Variants in SLIT3 observed in about 807,000 individuals in gnomAD.
The protein encoded by SLIT3 is slit homolog 3 protein.
Under a neutral mutation model 184.0 loss-of-function variants are expected in SLIT3, and 68 were observed. That is an observed-to-expected ratio of 0.37 (90% confidence interval 0.30 to 0.45). The LOEUF is 0.45. Among genes scored for constraint, SLIT3 ranks in the 20% least tolerant of loss-of-function variants. The pLI is 1.00. For missense variants in SLIT3, 1,707 were observed against 2,026.0 expected (o/e 0.84, Z 3.02); for synonymous variants, 831 against 828.6 (o/e 1.00, Z -0.05).
At chr5:168,842,469 G>GTTTTTTGTTTTTTTTT (rs1554147713) in intron 6 of SLIT3, among the ~76,000 whole-genome samples, 2 of 88,100 alleles carry the variant, frequency 2.3e-5, no homozygotes, top group African/African-American at 9.6e-5. Context: ...CCGTTTTTTC[G>GTTTTTTGTTTTTTTTT]TTTTTTTTTT....
At chr5:169,246,491 C>A (rs907776878) in intron 2 of SLIT3, among the ~76,000 whole-genome samples, 1 of 152,178 alleles carries the variant, frequency 6.6e-6, no homozygotes, top group East Asian at 1.9e-4. Context: ...AGTGGGTTAA[C>A]TAGCCAACCT....
intron 4 of SLIT3, among the ~76,000 whole-genome samples, chr5:169,067,802 G>T (rs1247416628): frequency 6.6e-6 from 1 of 152,166 alleles, no homozygotes; most frequent in Non-Finnish European, 1.5e-5. Flanking sequence ...ATGTCTGCAG[G>T]CTTCCCAGCC....
intron 9 of SLIT3, 101 bp downstream of exon 9, chr5:168,806,345 C>G: frequency 7.6e-7 from 1 of 1,312,246 alleles, no homozygotes. Context: ...ATGGTCAGCT[C>G]CAGCAGCCCC....
intron 23 of SLIT3, chr5:168,720,111 T>G (rs994149093): frequency 1.2e-4 from 18 of 152,156 alleles, no homozygotes. Flanking sequence ...AGACAGGGTT[T>G]CACTATGTTG....
intron 4 of SLIT3, among the ~76,000 whole-genome samples, chr5:169,159,415 A>C (rs1368273807): frequency 6.6e-6 from 1 of 151,876 alleles, no homozygotes; most frequent in Non-Finnish European, 1.5e-5. Flanking sequence ...AACAAGAGCG[A>C]AACTCCATCT....
At chr5:169,157,333 A>G (rs1580997823) in intron 4 of SLIT3, among the ~76,000 whole-genome samples, 1 of 152,122 alleles carries the variant, frequency 6.6e-6, no homozygotes, top group Non-Finnish European at 1.5e-5. Context: ...TAAAGAAGCC[A>G]CCCCTGCCCC....
chr5:168,704,754 A>T (rs1469418293), intron 26 of SLIT3, among the ~76,000 whole-genome samples: 1 of 152,172 alleles, frequency 6.6e-6, no homozygotes, highest in East Asian at 1.9e-4. Flanking sequence ...TGGCTTCCCA[A>T]GGTCACTCAG....
chr5:168,856,992 C>T (rs1758903842), intron 5 of SLIT3, among the ~76,000 whole-genome samples: 1 of 151,832 alleles, frequency 6.6e-6, no homozygotes, highest in Non-Finnish European at 1.5e-5. Context: ...GTGGGGGGGC[C>T]TGGTGAAAAT....
chr5:169,245,248 C>T (rs998123160), intron 2 of SLIT3, among the ~76,000 whole-genome samples: 4 of 152,004 alleles, frequency 2.6e-5, no homozygotes, highest in African/African-American at 9.7e-5. Flanking sequence ...CAGCCTGGTC[C>T]CAGGAACTCC....
At chr5:169,142,314 C>T (rs928046433) in intron 4 of SLIT3, among the ~76,000 whole-genome samples, 1 of 152,116 alleles carries the variant, frequency 6.6e-6, no homozygotes, top group East Asian at 1.9e-4. Flanking sequence ...GTGCACTAGT[C>T]ACTCAAGGGT....
chr5:169,016,240 G>T (rs1007032920), intron 4 of SLIT3, among the ~76,000 whole-genome samples: 2 of 152,154 alleles, frequency 1.3e-5, no homozygotes, highest in African/African-American at 4.8e-5. Flanking sequence ...TGCAAGCAAA[G>T]GTCTCCTGGT....
chr5:168,839,011 G>T (rs1758152029), intron 6 of SLIT3, among the ~76,000 whole-genome samples: 1 of 152,110 alleles, frequency 6.6e-6, no homozygotes, highest in Non-Finnish European at 1.5e-5. Context: ...GTCACCTCTT[G>T]TTTTTCACCC....
chr5:169,072,894 T>A (rs1758605421), intron 4 of SLIT3, among the ~76,000 whole-genome samples: 1 of 152,188 alleles, frequency 6.6e-6, no homozygotes, highest in African/African-American at 2.4e-5. Context: ...GAGACCCAAC[T>A]GTTGCTGTAA....
chr5:169,035,637 A>G (rs907627487), intron 4 of SLIT3, among the ~76,000 whole-genome samples: 2 of 140,116 alleles, frequency 1.4e-5, no homozygotes, highest in Non-Finnish European at 3.0e-5. Flanking sequence ...TGACAGTGAG[A>G]CTGCATCTGG....
At chr5:168,674,259 G>T (rs1443039990) in intron 32 of SLIT3, among the ~76,000 whole-genome samples, 2 of 152,076 alleles carry the variant, frequency 1.3e-5, no homozygotes, top group Admixed American at 6.5e-5. Context: ...TTTACCTAAG[G>T]CACCACAGTT....
At chr5:168,703,226 T>TTGTGTG (rs370363011) in intron 26 of SLIT3, among the ~76,000 whole-genome samples, 60 of 126,738 alleles carry the variant, frequency 4.7e-4, no homozygotes, top group East Asian at 7.4e-4. Context: ...TCATCCCACT[T>TTGTGTG]TGTGTGTGTG....
chr5:168,700,514 G>C, intron 27 of SLIT3, 68 bp downstream of exon 27: 1 of 1,091,356 alleles, frequency 9.2e-7, no homozygotes, highest in Non-Finnish European at 1.4e-6. Flanking sequence ...ACCCAGTCTT[G>C]GGTATGTCTT....
At chr5:169,000,136 G>A (rs1755653293) in intron 4 of SLIT3, among the ~76,000 whole-genome samples, 1 of 152,130 alleles carries the variant, frequency 6.6e-6, no homozygotes, top group African/African-American at 2.4e-5. Flanking sequence ...TGCGGTGGCT[G>A]TAATCCCAGC....
intron 1 of SLIT3, among the ~76,000 whole-genome samples, chr5:169,284,914 AT>A (rs201297034): frequency 1.0e-4 from 15 of 150,430 alleles, no homozygotes; most frequent in South Asian, 2.1e-4. Flanking sequence ...TTGAACACAG[AT>A]TTTTTTTTTC....
Sources: gnomAD v4.1 joint callset for allele counts (sites outside exome capture counted in the v4.1 genomes callset) on GRCh38, gnomAD v4.1.1 for gene constraint, MANE v1.5 for transcripts, NCBI Gene and HGNC (gene_info 2026-07-23, HGNC 2026-07-21) for gene names.